MCU: variants seen among roughly 807,000 people sequenced by gnomAD.
The protein encoded by MCU is mitochondrial calcium uniporter.
Under a neutral mutation model 45.2 loss-of-function variants are expected in MCU, and 12 were observed. That is an observed-to-expected ratio of 0.27 (90% CI 0.17 to 0.43). The LOEUF (loss-of-function observed/expected upper bound fraction) is 0.43, where lower values mean the gene tolerates loss of function less well. MCU is among the 20% of genes least tolerant of loss of function. The pLI is 1.00. For missense variants in MCU, 324 were observed against 436.7 expected (o/e 0.74, Z 2.30); for synonymous variants, 160 against 165.1 (o/e 0.97, Z 0.24).
At chr10:72,700,195 G>T (rs1173988793) in intron 1 of MCU, among the ~76,000 whole-genome samples, 2 of 151,938 alleles carry the variant, frequency 1.3e-5, no homozygotes, top group Non-Finnish European at 2.9e-5. Flanking sequence ...GAGTAGCGGG[G>T]ATTACAGGCA....
chr10:72,693,543 A>C (rs1379953792), intron 1 of MCU, among the ~76,000 whole-genome samples: 3 of 152,212 alleles, frequency 2.0e-5, no homozygotes, highest in Non-Finnish European at 4.4e-5. Flanking sequence ...TCCTAAGGCC[A>C]ATGACAGCAT....
intron 2 of MCU, among the ~76,000 whole-genome samples, chr10:72,838,107 C>T (rs1361091087): frequency 4.0e-5 from 6 of 151,864 alleles, no homozygotes; most frequent in East Asian, 1.9e-4. Flanking sequence ...GTGATCCACC[C>T]GCCTCAGCCT....
chr10:72,816,533 CTCAGGAGGCCGAA>C (rs1239454717), intron 1 of MCU, among the ~76,000 whole-genome samples: 1 of 152,214 alleles, frequency 6.6e-6, no homozygotes, highest in Non-Finnish European at 1.5e-5. Context: ...AATCCCAGCA[CTCAGGAGGCCGAA>C]GCAGGAGGAT....
chr10:72,753,305 C>A (rs1347530812), intron 1 of MCU, among the ~76,000 whole-genome samples: 1 of 152,098 alleles, frequency 6.6e-6, no homozygotes, highest in Non-Finnish European at 1.5e-5. Context: ...AAAAATATTA[C>A]TTGACATTCC....
intron 1 of MCU, among the ~76,000 whole-genome samples, chr10:72,804,524 A>G (rs1252253088): frequency 6.6e-6 from 1 of 152,146 alleles, no homozygotes; most frequent in East Asian, 1.9e-4. Flanking sequence ...CTCTTTGATC[A>G]CTTCTTCATG....
At chr10:72,733,471 C>A (rs967296383) in intron 1 of MCU, among the ~76,000 whole-genome samples, 3 of 152,030 alleles carry the variant, frequency 2.0e-5, no homozygotes, top group African/African-American at 7.2e-5. Flanking sequence ...ACAACAACAA[C>A]AAAAACTATC....
intron 1 of MCU, chr10:72,715,963 T>C (rs1435714539): frequency 1.2e-6 from 1 of 827,274 alleles, no homozygotes; most frequent in Admixed American, 6.2e-5. Context: ...TTTATTTTGG[T>C]GTGAACTCAT....
intron 6 of MCU, among the ~76,000 whole-genome samples, chr10:72,872,293 G>T (rs1845553744): frequency 6.6e-6 from 1 of 151,664 alleles, no homozygotes; most frequent in East Asian, 1.9e-4. Flanking sequence ...CTTTCTTCTA[G>T]CTGTTTTGAA....
chr10:72,747,177 T>A (rs1843426021), intron 1 of MCU, among the ~76,000 whole-genome samples: 2 of 152,234 alleles, frequency 1.3e-5, no homozygotes, highest in Non-Finnish European at 2.9e-5. Flanking sequence ...TCTGTTGCCA[T>A]GGGTTTCCCA....
chr10:72,814,797 T>G lies in MCU; in HGVS notation c.151-19562T>G, dbSNP rs559350208. 2.1e-3 allele frequency among the ~76,000 whole-genome samples: 325 copies of G among 152,348 alleles called. 1 individual carries two copies. The highest frequency in any genetic ancestry group is 3.7e-3 in the Non-Finnish European group (251 of 68,034). On this transcript the variant is annotated intron_variant, in intron 1 of 7. Coordinates refer to ENST00000373053, the MANE Select transcript of MCU (RefSeq NM_138357.3). The stretch of plus-strand genomic sequence containing the variant: ...AACCTTTATTGTAGTGTTCTGACAT[T>G]TAGTTTTTTATAGACTCAAATTATA...
At chr10:72,866,201 G>A (rs748307938) in intron 4 of MCU, among the ~76,000 whole-genome samples, 7 of 152,044 alleles carry the variant, frequency 4.6e-5, no homozygotes, top group Non-Finnish European at 1.0e-4. Context: ...TATTGCTGGC[G>A]CCCAAGGTAC....
chr10:72,738,935 T>A (rs975195232), intron 1 of MCU, among the ~76,000 whole-genome samples: 2 of 152,230 alleles, frequency 1.3e-5, no homozygotes, highest in Non-Finnish European at 2.9e-5. Flanking sequence ...CGGTTTTTTT[T>A]AAGGCTTCAA....
chr10:72,694,231 A>G (rs1000198131), intron 1 of MCU, among the ~76,000 whole-genome samples: 1 of 152,238 alleles, frequency 6.6e-6, no homozygotes, highest in East Asian at 1.9e-4. Context: ...TTATTTTTCT[A>G]CAATTCTTCT....
At chr10:72,737,598 C>G (rs1264790305) in intron 1 of MCU, among the ~76,000 whole-genome samples, 1 of 151,626 alleles carries the variant, frequency 6.6e-6, no homozygotes, top group Non-Finnish European at 1.5e-5. Context: ...CAGCTCACTG[C>G]AACTTCCACC....
At chr10:72,797,891 A>G (rs1485561746) in intron 1 of MCU, among the ~76,000 whole-genome samples, 1 of 152,172 alleles carries the variant, frequency 6.6e-6, no homozygotes, top group Non-Finnish European at 1.5e-5. Context: ...GCTATTTGGC[A>G]CATATATATT....
chr10:72,777,007 A>G (rs1404840443), intron 1 of MCU, among the ~76,000 whole-genome samples: 2 of 152,228 alleles, frequency 1.3e-5, no homozygotes, highest in South Asian at 2.1e-4. Flanking sequence ...CTGAATAAGT[A>G]AAAGATCAAG....
At chr10:72,794,106 AT>A (rs976597845) in intron 1 of MCU, among the ~76,000 whole-genome samples, 8 of 151,762 alleles carry the variant, frequency 5.3e-5, no homozygotes, top group African/African-American at 1.9e-4. Flanking sequence ...TGTTGTTAAA[AT>A]TTTTTTTTAA....
chr10:72,748,263 T>A lies in MCU; in HGVS notation c.150+55962T>A, dbSNP rs558265758. On this transcript the variant is annotated intron_variant, in intron 1 of 7. Transcript: ENST00000373053. ...CGGTTTCACCAGGTTGGCCAGTCTG[T>A]TCTTGAACTCCTGACTTCAGGTGAT... Among the ~76,000 whole-genome samples, 123 of 152,248 alleles carry A rather than the reference T, an allele frequency of 8.1e-4. 1 individual carries two copies. Among genetic ancestry groups the A allele is most frequent in the Non-Finnish European group, 1.4e-3 (94 of 67,986 alleles).
At chr10:72,843,726 A>T (rs1225992295) in intron 2 of MCU, among the ~76,000 whole-genome samples, 5 of 152,166 alleles carry the variant, frequency 3.3e-5, no homozygotes, top group Non-Finnish European at 7.4e-5. Context: ...CCGTCTACCA[A>T]AGTGGTTGTA....
Sources: allele counts gnomAD v4.1 joint callset (sites outside exome capture counted in the v4.1 genomes callset), GRCh38; gene constraint gnomAD v4.1.1; transcripts MANE v1.5; gene names NCBI Gene and HGNC (gene_info 2026-07-23, HGNC 2026-07-21).